Variants in TLK2 observed in about 807,000 individuals in gnomAD.
TLK2 encodes serine/threonine-protein kinase tousled-like 2.
A neutral mutation model predicts 117.3 loss-of-function variants in TLK2; 6 were observed. That is an observed-to-expected ratio of 0.05 (90% confidence interval 0.03 to 0.10). The LOEUF is 0.10. Among genes scored for constraint, TLK2 ranks in the 10% least tolerant of loss-of-function variants. TLK2 has a pLI of 1.00. For synonymous variants in TLK2, 257 were observed against 316.7 expected (o/e 0.81, Z 2.00); for missense variants, 299 against 901.2 (o/e 0.33, Z 8.56).
At chr17:62,478,046 G>A (rs1422330503), upstream of TLK2, 3 of 152,118 alleles carry the variant, frequency 2.0e-5, no homozygotes, top group East Asian at 3.9e-4. Flanking sequence ...TTGATCCCAG[G>A]GCACCTTTTG....
Position 62,520,676 on chromosome 17 carries a change from TAAAAAAAAAA to T in TLK2, c.82-86_82-77del. The T allele has an allele frequency of 5.7e-6, 5 of 876,092 alleles. No individual in the cohort carries two copies. In the South Asian group the frequency reaches 8.9e-5, roughly 16 times the overall value. The allele number at this position is 876,092 out of a possible 1,614,324, so 54.3% of individuals were successfully genotyped here. ...GGGGTGATAACAGTGAAACTCTGTC[TAAAAAAAAAA>T]AAAAAAAAAATCATCAGGCTTCTTC... On this transcript the variant is annotated intron_variant, in intron 2 of 21. Coordinates refer to ENST00000346027, the MANE Select transcript of TLK2 (RefSeq NM_006852.6).
chr17:62,481,404 G>A (rs1233508118), intron 2 of TLK2, among the ~76,000 whole-genome samples, 198 bp downstream of exon 2: 2 of 152,066 alleles, frequency 1.3e-5, no homozygotes, highest in African/African-American at 4.8e-5. Flanking sequence ...GTTCTATATG[G>A]GAATATATGT....
chr17:62,472,431 GC>G (rs1018538586), intron 1 of TLK2, among the ~76,000 whole-genome samples: 2 of 151,882 alleles, frequency 1.3e-5, no homozygotes, highest in African/African-American at 4.8e-5. Context: ...TACTTGCAGT[GC>G]CCCCAGGATA....
intron 11 of TLK2, among the ~76,000 whole-genome samples, chr17:62,570,206 T>G (rs905560549): frequency 3.9e-5 from 6 of 152,226 alleles, no homozygotes; most frequent in East Asian, 1.9e-4. Context: ...TTAACACATC[T>G]TTTGGGGGAC....
upstream of TLK2, among the ~76,000 whole-genome samples, chr17:62,477,187 G>T (rs1361449801): frequency 2.0e-5 from 3 of 152,174 alleles, no homozygotes; most frequent in Admixed American, 2.0e-4. Context: ...ACTGTCTTTT[G>T]TGTTGCCTTG....
chr17:62,531,635 A>G (rs2076748767), intron 6 of TLK2, among the ~76,000 whole-genome samples: 2 of 152,002 alleles, frequency 1.3e-5, no homozygotes, highest in Non-Finnish European at 2.9e-5. Context: ...TTTCTTCAAG[A>G]TCTAGGATGA....
At chr17:62,532,897 C>T (rs1598415643) in intron 6 of TLK2, among the ~76,000 whole-genome samples, 1 of 152,078 alleles carries the variant, frequency 6.6e-6, no homozygotes. Flanking sequence ...ACATAAATTG[C>T]TAGAAGGTTA....
chr17:62,533,756 C>T (rs2076922408), intron 6 of TLK2, among the ~76,000 whole-genome samples: 1 of 152,114 alleles, frequency 6.6e-6, no homozygotes. Flanking sequence ...GGATTACAGG[C>T]ATGAGCCACT....
At chr17:62,576,879 A>G (rs887108144) in intron 13 of TLK2, 104 bp downstream of exon 13, 5 of 776,858 alleles carry the variant, frequency 6.4e-6, no homozygotes, top group African/African-American at 1.7e-5. Context: ...AGCTGCACAT[A>G]GCAGCAGAAA....
At chr17:62,535,844 G>A (rs1309804396) in intron 6 of TLK2, among the ~76,000 whole-genome samples, 1 of 151,870 alleles carries the variant, frequency 6.6e-6, no homozygotes, top group Non-Finnish European at 1.5e-5. Context: ...TTTACCTACA[G>A]GATAGAAATA....
Position 62,546,161 on chromosome 17 carries a change from C to A in TLK2, c.532-6141C>A, listed in dbSNP as rs1205775431. ...CCTCCCAGAATGCTGGGATTACAGT[C>A]ATGAGCCACCACACCATGTCCTAAT... On this transcript the variant is annotated intron_variant, in intron 7 of 21. Transcript: ENST00000346027. Among the ~76,000 whole-genome samples, 5 of 151,968 alleles carry A rather than the reference C, an allele frequency of 3.3e-5. No homozygotes were observed. In the South Asian group the frequency reaches 6.2e-4, roughly 19 times the overall value.
intron 19 of TLK2, among the ~76,000 whole-genome samples, chr17:62,603,970 C>CTTTA (rs66748805): frequency 0.013 from 1,899 of 141,484 alleles, 17 homozygotes; most frequent in Middle Eastern, 0.021. Context: ...ACATTGAATA[C>CTTTA]TTTATTTATT....
intron 6 of TLK2, among the ~76,000 whole-genome samples, chr17:62,530,953 T>G (rs2076699751): frequency 6.6e-6 from 1 of 152,216 alleles, no homozygotes. Context: ...CCTCCATTGT[T>G]ACTATTAAGA....
chr17:62,563,303 G>GT (rs2079447705), intron 10 of TLK2, among the ~76,000 whole-genome samples: 1 of 152,182 alleles, frequency 6.6e-6, no homozygotes, highest in African/African-American at 2.4e-5. Context: ...AATTAGCTGG[G>GT]TGTGGTGGCA....
intron 2 of TLK2, among the ~76,000 whole-genome samples, chr17:62,496,426 C>T (rs566040592): frequency 6.6e-6 from 1 of 151,938 alleles, no homozygotes; most frequent in African/African-American, 2.4e-5. Flanking sequence ...AGGATAAATC[C>T]CTAGAAGTGG....
intron 2 of TLK2, 25 bp from the exon 3 acceptor site, chr17:62,520,748 T>A (rs1159691128): frequency 6.2e-7 from 1 of 1,605,058 alleles, no homozygotes; most frequent in Non-Finnish European, 8.5e-7. Flanking sequence ...AAAATTTATT[T>A]ATTTATGATT....
chr17:62,608,474 A>C (rs2083472362), intron 21 of TLK2, among the ~76,000 whole-genome samples: 2 of 152,214 alleles, frequency 1.3e-5, no homozygotes. Context: ...ACCCAGCTTC[A>C]TCTGTATTCA....
chr17:62,481,219 A>G lies in TLK2; in HGVS notation c.81+13A>G, dbSNP rs2144335411. On this transcript the variant is annotated intron_variant, in intron 2 of 21. Coordinates refer to ENST00000346027, the MANE Select transcript of TLK2 (RefSeq NM_006852.6). ...AGGTGTTAGTAAGGTGAGTAAAATG[A>G]TGATCATGAACACTATTCATATTCT... The G allele has an allele frequency of 6.2e-7, 1 of 1,613,638 alleles. No homozygotes were observed. Among genetic ancestry groups the G allele is most frequent in the East Asian group, 2.2e-5 (1 of 44,868 alleles).
intron 21 of TLK2, among the ~76,000 whole-genome samples, chr17:62,609,552 C>A (rs1184832557): frequency 1.3e-5 from 2 of 152,176 alleles, no homozygotes; most frequent in Non-Finnish European, 2.9e-5. Context: ...ACTGATGGCT[C>A]CCTGTCCCCA....
Sources: allele counts gnomAD v4.1 joint callset (sites outside exome capture counted in the v4.1 genomes callset), GRCh38; gene constraint gnomAD v4.1.1; transcripts MANE v1.5; gene names NCBI Gene and HGNC (gene_info 2026-07-23, HGNC 2026-07-21).